Variants in CSGALNACT1 observed in about 807,000 individuals in gnomAD.
The protein encoded by CSGALNACT1 is beta4GalNAcT-1.
Under a neutral mutation model 51.0 loss-of-function variants are expected in CSGALNACT1, and 52 were observed. The observed-to-expected ratio is 1.02, with a 90% CI of 0.82 to 1.29. The LOEUF (loss-of-function observed/expected upper bound fraction) is 1.29, where lower values mean the gene tolerates loss of function less well. Among genes scored for constraint, CSGALNACT1 ranks in the 50% most tolerant of loss-of-function variants. The pLI is 0.00. For synonymous variants in CSGALNACT1, 341 were observed against 254.4 expected, an observed-to-expected ratio of 1.34 and a Z score of -3.24; for missense variants, 935 against 679.2, an observed-to-expected ratio of 1.38 and a Z score of -4.19.
intron 1 of CSGALNACT1, among the ~76,000 whole-genome samples, chr8:19,674,292 CA>C (rs911083057): frequency 1.2e-4 from 18 of 144,740 alleles, no homozygotes; most frequent in Non-Finnish European, 2.1e-4. Flanking sequence ...GACTGTGTCT[CA>C]AAAAAAAAAA....
chr8:19,442,716 T>TA (rs33995376), intron 5 of CSGALNACT1, among the ~76,000 whole-genome samples: 24,763 of 143,104 alleles, frequency 0.17, 2,180 homozygotes, highest in Middle Eastern at 0.26. Flanking sequence ...ACTTAAAGTA[T>TA]AAAAAAAAAA....
chr8:19,622,638 G>C (rs1564282778), intron 1 of CSGALNACT1, among the ~76,000 whole-genome samples: 1 of 152,092 alleles, frequency 6.6e-6, no homozygotes, highest in East Asian at 1.9e-4. Context: ...CATTGTCCAG[G>C]AAGTGGTAAA....
At chr8:19,567,326 T>A (rs1333475903) in intron 3 of CSGALNACT1, among the ~76,000 whole-genome samples, 1 of 152,210 alleles carries the variant, frequency 6.6e-6, no homozygotes, top group African/African-American at 2.4e-5. Context: ...AGTAGAAGGA[T>A]CAGCCTAGAA....
intron 3 of CSGALNACT1, among the ~76,000 whole-genome samples, chr8:19,580,227 GA>G (rs1434688951): frequency 6.6e-6 from 1 of 152,184 alleles, no homozygotes; most frequent in Non-Finnish European, 1.5e-5. Context: ...CGAGAGAAAA[GA>G]CAGCTTCAGA....
rs1243076873 is a variant in CSGALNACT1, at chr8:19,535,781, C to T, written c.-296-29651G>A. On this transcript the variant is annotated intron_variant, in intron 3 of 9. Transcript: ENST00000454498. The stretch of plus-strand genomic sequence containing the variant: ...AAAACATTTGAAAAACTTCAACATC[C>T]ATTCACAATTTAAAACTCTCAGAAA... Among the ~76,000 whole-genome samples the T allele has an allele frequency of 4.6e-5, 7 of 152,184 alleles. No homozygotes were observed. In the South Asian group the frequency reaches 1.5e-3, roughly 32 times the overall value.
At chr8:19,741,685 C>A (rs978860312) in intron 1 of CSGALNACT1, among the ~76,000 whole-genome samples, 2 of 151,842 alleles carry the variant, frequency 1.3e-5, no homozygotes, top group Non-Finnish European at 2.9e-5. Context: ...CTTCTGAATT[C>A]TTTTCACATT....
At chr8:19,588,326 A>T (rs371842364) in intron 3 of CSGALNACT1, among the ~76,000 whole-genome samples, 5 of 152,248 alleles carry the variant, frequency 3.3e-5, no homozygotes, top group African/African-American at 1.2e-4. Flanking sequence ...AGTTATCAGT[A>T]TCATATTAAT....
chr8:19,474,870 A>G (rs1586794844), intron 4 of CSGALNACT1, among the ~76,000 whole-genome samples: 3 of 13,270 alleles, frequency 2.3e-4, no homozygotes, highest in African/African-American at 3.4e-4. Context: ...TCTGTCTCAG[A>G]AAAAAAAAAA....
intron 6 of CSGALNACT1, among the ~76,000 whole-genome samples, chr8:19,431,081 C>T (rs940233807): frequency 6.6e-6 from 1 of 151,988 alleles, no homozygotes; most frequent in Non-Finnish European, 1.5e-5. Context: ...TTTGTGGATT[C>T]CTTGTAATTT....
intron 1 of CSGALNACT1, among the ~76,000 whole-genome samples, chr8:19,732,088 C>G (rs1300586150): frequency 6.6e-6 from 1 of 152,160 alleles, no homozygotes; most frequent in Non-Finnish European, 1.5e-5. Flanking sequence ...AATTAGGTAA[C>G]GTAAGCTAAA....
chr8:19,453,814 A>T (rs1217575167), intron 5 of CSGALNACT1, among the ~76,000 whole-genome samples: 1 of 151,982 alleles, frequency 6.6e-6, no homozygotes, highest in Non-Finnish European at 1.5e-5. Flanking sequence ...CGGGAGGCTG[A>T]GGTACGAGAA....
chr8:19,663,617 C>T (rs1288991920), intron 1 of CSGALNACT1, among the ~76,000 whole-genome samples: 1 of 152,174 alleles, frequency 6.6e-6, no homozygotes, highest in Non-Finnish European at 1.5e-5. Context: ...AATTCACATC[C>T]TGTACAAAGA....
In CSGALNACT1 at chr8:19,757,547, ACAC is replaced by A. The variant is rs2065476946; in HGVS notation, c.-297+300_-297+302del. ...CACTCTCGGAAGGGGCCGCGCTCGG[ACAC>A]CAGGGGCGGTTTACGCGTGACTGGA... On this transcript the variant is annotated intron_variant, in intron 1 of 1. Transcript: ENST00000517494. This position sits in a 1 kb window ranked among gnomAD's most constrained non-coding sequence, Gnocchi z 4.0. Among the ~76,000 whole-genome samples, 1 of 152,120 alleles carries A rather than the reference ACAC, an allele frequency of 6.6e-6. No individual in the cohort carries two copies. Among genetic ancestry groups the A allele is most frequent in the African/African-American group, 2.4e-5 (1 of 41,460 alleles).
chr8:19,656,357 T>G (rs575498784), intron 1 of CSGALNACT1, among the ~76,000 whole-genome samples: 54 of 152,266 alleles, frequency 3.5e-4, no homozygotes, highest in African/African-American at 1.1e-3. Flanking sequence ...TCACCATTTT[T>G]ATATGGCCTG....
upstream of CSGALNACT1, among the ~76,000 whole-genome samples, chr8:19,606,209 G>A (rs1258370929): frequency 6.6e-6 from 1 of 152,202 alleles, no homozygotes; most frequent in East Asian, 1.9e-4. Flanking sequence ...CTGCCAACTA[G>A]AAGTTCCCAG....
At chr8:19,493,775 C>G (rs1372643560) in intron 4 of CSGALNACT1, among the ~76,000 whole-genome samples, 1 of 151,962 alleles carries the variant, frequency 6.6e-6, no homozygotes, top group Non-Finnish European at 1.5e-5. Flanking sequence ...CACTTTTTGG[C>G]TATTATGAAC....
intron 6 of CSGALNACT1, among the ~76,000 whole-genome samples, chr8:19,430,567 A>G (rs1343437577): frequency 6.6e-6 from 1 of 152,192 alleles, no homozygotes. Flanking sequence ...CCATTGATCT[A>G]TATTTTTATA....
At chr8:19,558,096 T>C (rs1391453944) in intron 3 of CSGALNACT1, among the ~76,000 whole-genome samples, 1 of 152,232 alleles carries the variant, frequency 6.6e-6, no homozygotes, top group Non-Finnish European at 1.5e-5. Context: ...TTTTGTCTCA[T>C]CTCATTCTAA....
intron 1 of CSGALNACT1, among the ~76,000 whole-genome samples, chr8:19,710,689 T>G (rs2062453411): frequency 1.3e-5 from 2 of 152,196 alleles, no homozygotes; most frequent in Non-Finnish European, 2.9e-5. Flanking sequence ...TAAAAATCCT[T>G]CCTTTAACAC....
Sources: allele counts gnomAD v4.1 joint callset (sites outside exome capture counted in the v4.1 genomes callset), GRCh38; gene constraint gnomAD v4.1.1; non-coding constraint Gnocchi (gnomAD v3.1); transcripts MANE v1.5; gene names NCBI Gene and HGNC (gene_info 2026-07-23, HGNC 2026-07-21).